DPH6: variants seen among roughly 807,000 people sequenced by gnomAD.
DPH6 encodes the protein diphthine--ammonia ligase.
Under a neutral mutation model 38.2 loss-of-function variants are expected in DPH6, and 33 were observed. That is an observed-to-expected ratio of 0.86 (90% confidence interval 0.65 to 1.15). The LOEUF (loss-of-function observed/expected upper bound fraction) is 1.15. Among genes scored for constraint, DPH6 ranks in the 50% most tolerant of loss-of-function variants. The probability of loss-of-function intolerance (pLI) is 0.00; values close to 1 mark genes in which losing one functional copy is unlikely to be tolerated. For synonymous variants in DPH6, 108 were observed against 103.0 expected (o/e 1.05, Z -0.30); for missense variants, 325 against 320.0 (o/e 1.02, Z -0.12).
At chr15:35,354,906 T>C (rs2052546181) in intron 3 of DPH6, among the ~76,000 whole-genome samples, 1 of 152,158 alleles carries the variant, frequency 6.6e-6, no homozygotes, top group Non-Finnish European at 1.5e-5. Flanking sequence ...CCCATTATTA[T>C]TGTGTGGGAA....
chr15:35,451,975 A>C (rs139056854), intron 4 of DPH6, among the ~76,000 whole-genome samples: 53 of 152,284 alleles, frequency 3.5e-4, no homozygotes, highest in African/African-American at 1.1e-3. Flanking sequence ...GCGCCGCTGC[A>C]CTCCAGCCTG....
At chr15:35,333,554 C>G (rs554589534) in intron 3 of DPH6, among the ~76,000 whole-genome samples, 1 of 152,036 alleles carries the variant, frequency 6.6e-6, no homozygotes, top group African/African-American at 2.4e-5. Flanking sequence ...AATTAATAAC[C>G]TTGTCCAAAA....
At chr15:35,521,424 A>G (rs1193767010) in intron 3 of DPH6, 1 of 1,133,512 alleles carries the variant, frequency 8.8e-7, no homozygotes, top group Non-Finnish European at 1.1e-6. Context: ...AAGTAAATGA[A>G]CAAATTCAGA....
the DPH6 span, among the ~76,000 whole-genome samples, chr15:35,159,333 T>A: frequency 6.6e-6 from 1 of 152,046 alleles, no homozygotes; most frequent in Non-Finnish European, 1.5e-5. Context: ...TCTACAGCTA[T>A]TCTTTCTCTT....
At chr15:35,223,537 T>A (rs2140386350) in intron 3 of DPH6, among the ~76,000 whole-genome samples, 1 of 152,124 alleles carries the variant, frequency 6.6e-6, no homozygotes. Context: ...ATACAAAAAA[T>A]TAACCAGGCA....
the DPH6 span, among the ~76,000 whole-genome samples, chr15:35,201,980 C>T: frequency 6.6e-6 from 1 of 151,684 alleles, no homozygotes; most frequent in Non-Finnish European, 1.5e-5. Flanking sequence ...GCATATTCTT[C>T]TGAAATAGGG....
chr15:35,376,353 C>T (rs970104890), intron 7 of DPH6, among the ~76,000 whole-genome samples: 136 of 152,178 alleles, frequency 8.9e-4, no homozygotes, highest in Non-Finnish European at 1.8e-4. Flanking sequence ...TTTCAATTAC[C>T]TATCTTCATG....
intron 3 of DPH6, among the ~76,000 whole-genome samples, chr15:35,313,349 GA>G (rs1392934140): frequency 1.3e-5 from 2 of 150,926 alleles, no homozygotes; most frequent in South Asian, 4.2e-4. Context: ...TACATTTCAG[GA>G]TTTTTTTTTT....
intron 5 of DPH6, among the ~76,000 whole-genome samples, chr15:35,422,015 T>C (rs1450534947): frequency 6.6e-6 from 1 of 151,850 alleles, no homozygotes; most frequent in African/African-American, 2.4e-5. Flanking sequence ...TACCGGTGAA[T>C]TGGATGTGGG....
intron 3 of DPH6, among the ~76,000 whole-genome samples, chr15:35,537,736 C>T (rs1299994645): frequency 1.3e-5 from 2 of 152,054 alleles, no homozygotes; most frequent in African/African-American, 4.8e-5. Context: ...GACAACCATA[C>T]GTAGCACCAC....
chr15:35,542,919 T>TATA (rs1311266717), intron 1 of DPH6, among the ~76,000 whole-genome samples: 8 of 115,644 alleles, frequency 6.9e-5, no homozygotes, highest in African/African-American at 1.3e-4. Flanking sequence ...AAGGAATATA[T>TATA]ATAATATATA....
At chr15:35,212,038 T>C in the DPH6 span, among the ~76,000 whole-genome samples, 1 of 152,208 alleles carries the variant, frequency 6.6e-6, no homozygotes, top group Non-Finnish European at 1.5e-5. Context: ...TGAATACTAA[T>C]TAATGATAAA....
chr15:35,348,801 T>C (rs2052483697), intron 3 of DPH6, among the ~76,000 whole-genome samples: 1 of 152,174 alleles, frequency 6.6e-6, no homozygotes, highest in South Asian at 2.1e-4. Context: ...TCCCCTTTAT[T>C]TGTGTCTTGT....
intron 3 of DPH6, among the ~76,000 whole-genome samples, chr15:35,340,999 C>T (rs1234719064): frequency 6.6e-6 from 1 of 152,138 alleles, no homozygotes; most frequent in African/African-American, 2.4e-5. Flanking sequence ...TTCTCCCTGT[C>T]TTTTATGGGT....
intron 5 of DPH6, among the ~76,000 whole-genome samples, chr15:35,441,675 G>C (rs544730354): frequency 7.2e-5 from 11 of 152,294 alleles, no homozygotes; most frequent in East Asian, 5.8e-4. Context: ...TGGGGGGTTA[G>C]GGGAGGGATA....
the DPH6 span, among the ~76,000 whole-genome samples, chr15:35,150,199 C>T: frequency 2.6e-5 from 4 of 152,152 alleles, no homozygotes; most frequent in African/African-American, 4.8e-5. Flanking sequence ...TCAATTGAGC[C>T]TCATGTCCAC....
chr15:35,450,314 A>G (rs35419625), intron 5 of DPH6, among the ~76,000 whole-genome samples: 5,198 of 152,088 alleles, frequency 0.034, 136 homozygotes, highest in Middle Eastern at 0.088. Flanking sequence ...TATTATAAAA[A>G]GCTTCCAAAA....
chr15:35,320,317 C>T (rs2140842941), intron 3 of DPH6, among the ~76,000 whole-genome samples: 1 of 152,236 alleles, frequency 6.6e-6, no homozygotes, highest in Middle Eastern at 3.4e-3. Context: ...TCACCTGGCT[C>T]CAAGGGTGTA....
intron 3 of DPH6, among the ~76,000 whole-genome samples, chr15:35,336,343 A>G (rs2052372550): frequency 1.5e-5 from 2 of 137,402 alleles, no homozygotes; most frequent in South Asian, 2.5e-4. Context: ...ACATAGTCCC[A>G]TATTTCTTGG....
Sources: allele counts gnomAD v4.1 joint callset (sites outside exome capture counted in the v4.1 genomes callset), GRCh38; gene constraint gnomAD v4.1.1; transcripts MANE v1.5; gene names NCBI Gene and HGNC (gene_info 2026-07-23, HGNC 2026-07-21).